MRS2: variants seen among roughly 807,000 people sequenced by gnomAD.
The protein encoded by MRS2 is magnesium transporter MRS2, also known as magnesium transporter MRS2 homolog, mitochondrial.
Under a neutral mutation model 52.6 loss-of-function variants are expected in MRS2, and 40 were observed. The observed-to-expected ratio is 0.76, with a 90% CI of 0.59 to 0.99. The LOEUF (loss-of-function observed/expected upper bound fraction) is 0.99, where lower values mean the gene tolerates loss of function less well. Among genes scored for constraint, MRS2 ranks in the 50% least tolerant of loss-of-function variants. MRS2 has a pLI of 0.00. For missense variants in MRS2, 472 were observed against 532.7 expected (o/e 0.89, Z 1.12); for synonymous variants, 193 against 195.9 (o/e 0.98, Z 0.13).
Position 24,408,488 on chromosome 6 carries a change from GTGAATC to G in MRS2, c.301+48_301+53del, listed in dbSNP as rs562953139. ...AAATCATTTTTTAAACATTTAATGA[GTGAATC>G]TGATAGAAATCAAGAAATTGTAGTA... On this transcript the variant is annotated intron_variant, in intron 3 of 10. Transcript: ENST00000378386. 573 of 1,294,434 alleles carry G rather than the reference GTGAATC, an allele frequency of 4.4e-4. 2 individuals are homozygous for G. Among genetic ancestry groups the G allele is most frequent in the South Asian group, 3.2e-3 (264 of 82,776 alleles). The allele number at this position is 1,294,434 out of a possible 1,614,324, so 80.2% of individuals were successfully genotyped here. A position where few individuals can be genotyped will look rare whatever the true frequency, so the allele number is the denominator to read the frequency against.
At chr6:24,421,536 C>G (rs6941710) in intron 9 of MRS2, among the ~76,000 whole-genome samples, 9,096 of 152,246 alleles carry the variant, frequency 0.06, 617 homozygotes, top group African/African-American at 0.17. Context: ...TGGAAAAGTT[C>G]CAAGAATAGT....
In MRS2 at chr6:24,403,181, G is replaced by C. The variant is rs750193008; in HGVS notation, c.135G>C (p.Leu45=). The C allele has an allele frequency of 1.6e-5, 25 of 1,606,858 alleles. No individual in the cohort carries two copies. The highest frequency in any genetic ancestry group is 2.1e-5 in the Non-Finnish European group (25 of 1,179,778). ...CTGCCTGCGGCCGCCGAGCCAACCT[G>C]ATTGGAAGGAGCCGAGCGGCGCAGC... ...PVAACGRRAN[L]IGRSRAAQLC... is the part of the protein sequence containing the mutation. Residue 45 remains leucine, a synonymous_variant, in exon 1 of 11, where the codon CTG becomes CTC. Coordinates refer to ENST00000378386, the MANE Select transcript of MRS2 (RefSeq NM_020662.4).
At chr6:24,414,679 G>A (rs995383973) in intron 5 of MRS2, among the ~76,000 whole-genome samples, 1 of 152,228 alleles carries the variant, frequency 6.6e-6, no homozygotes, top group Admixed American at 6.5e-5. Flanking sequence ...CTCCCAGACG[G>A]GGTGGCGGCT....
chr6:24,418,346 TATTA>T, intron 8 of MRS2, 110 bp downstream of exon 8: 5 of 1,212,908 alleles, frequency 4.1e-6, no homozygotes, highest in Non-Finnish European at 4.5e-6. Flanking sequence ...TATACTACAT[TATTA>T]TTATTTTTTT....
intron 8 of MRS2, 37 bp downstream of exon 8, chr6:24,418,273 AAAAT>A: frequency 6.7e-7 from 1 of 1,499,132 alleles, no homozygotes; most frequent in South Asian, 1.3e-5. Context: ...TTTTTTTAAT[AAAAT>A]AATTATAAGA....
chr6:24,408,519 A>G (rs1460885272), intron 3 of MRS2, 75 bp downstream of exon 3: 23 of 1,076,730 alleles, frequency 2.1e-5, no homozygotes, highest in Non-Finnish European at 3.0e-5. Flanking sequence ...AAATTGTAGT[A>G]TTTTGAGTAA....
At chr6:24,418,680 C>T in intron 9 of MRS2, 102 bp downstream of exon 9, 1 of 870,290 alleles carries the variant, frequency 1.1e-6, no homozygotes, top group Non-Finnish European at 1.9e-6. Flanking sequence ...AGGTGGATCA[C>T]CTGAGGTCAG....
Position 24,425,430 on chromosome 6 carries a change from T to C in MRS2, c.*1736T>C, listed in dbSNP as rs1376871387. The C allele has an allele frequency of 6.6e-6, 1 of 152,236 alleles. No individual in the cohort carries two copies. Among genetic ancestry groups the C allele is most frequent in the Non-Finnish European group, 1.5e-5 (1 of 68,042 alleles). The allele number at this position is 152,236 out of a possible 1,614,324, so 9.4% of individuals were successfully genotyped here. A position where few individuals can be genotyped will look rare whatever the true frequency, so the allele number is the denominator to read the frequency against. ...AAGGAAAAATAATGTAACTACCTCA[T>C]AAGTCTGATAAAAGGAAGTTGCTAG... On this transcript the variant is annotated 3_prime_UTR_variant, in exon 11 of 11. Coordinates refer to ENST00000378386, the MANE Select transcript of MRS2 (RefSeq NM_020662.4).
At chr6:24,419,964 C>T (rs191933794) in intron 9 of MRS2, among the ~76,000 whole-genome samples, 30 of 152,302 alleles carry the variant, frequency 2.0e-4, no homozygotes, top group Admixed American at 1.2e-3. Context: ...ATTAGTCTAA[C>T]GAGTCTACTC....
chr6:24,420,373 C>T (rs1009732360), intron 9 of MRS2, among the ~76,000 whole-genome samples: 2 of 152,230 alleles, frequency 1.3e-5, no homozygotes, highest in Non-Finnish European at 2.9e-5. Flanking sequence ...ATCCCTTGTT[C>T]AAAGCCTGCA....
In MRS2 at chr6:24,424,054, G is replaced by A. The variant is rs1203922565; in HGVS notation, c.*360G>A. Reference sequence around the variant, plus strand: ...AGCGTAGGAACTTGACAAGCCCATAGGTAGCTATAGTTCTTTGTCAGTATA... The same window carrying A: ...AGCGTAGGAACTTGACAAGCCCATAAGTAGCTATAGTTCTTTGTCAGTATA... On this transcript the variant is annotated 3_prime_UTR_variant, in exon 11 of 11. Transcript: ENST00000378386. 1.3e-5 allele frequency: 2 copies of A among 159,066 alleles called. No homozygotes were observed. Among genetic ancestry groups the A allele is most frequent in the Non-Finnish European group, 1.4e-5 (1 of 72,176 alleles). 9.9% of individuals were successfully genotyped at this position (159,066 alleles called of 1,614,324 possible).
At chr6:24,415,410 A>G (rs976074909) in intron 6 of MRS2, among the ~76,000 whole-genome samples, 6 of 152,198 alleles carry the variant, frequency 3.9e-5, no homozygotes, top group Non-Finnish European at 5.9e-5. Flanking sequence ...CATTTTGAAG[A>G]TGAGAAAATT....
chr6:24,417,767 C>A (rs964060535), intron 7 of MRS2, among the ~76,000 whole-genome samples: 16 of 151,674 alleles, frequency 1.1e-4, no homozygotes, highest in African/African-American at 3.9e-4. Flanking sequence ...TATGGTGAAA[C>A]CCCATCTCTA....
intron 1 of MRS2, 110 bp downstream of exon 1, chr6:24,403,346 C>G (rs1761352449): frequency 9.2e-7 from 1 of 1,086,950 alleles, no homozygotes; most frequent in South Asian, 1.7e-5. Flanking sequence ...CCTCCGCAGG[C>G]CTCGGCCTCC....
At chr6:24,410,765 TCA>T in intron 4 of MRS2, 1 of 1,531,244 alleles carries the variant, frequency 6.5e-7, no homozygotes, top group Non-Finnish European at 8.7e-7. Context: ...CTAGCATTCT[TCA>T]AAACAGTGTC....
chr6:24,422,746 C>T (rs1442384663), intron 9 of MRS2, among the ~76,000 whole-genome samples, 191 bp from the exon 10 acceptor site: 1 of 152,050 alleles, frequency 6.6e-6, no homozygotes, highest in Non-Finnish European at 1.5e-5. Context: ...TATTTAAAAC[C>T]TTTTAAATCA....
chr6:24,415,550 T>C (rs1320347783), intron 6 of MRS2, among the ~76,000 whole-genome samples: 4 of 152,222 alleles, frequency 2.6e-5, no homozygotes, highest in Non-Finnish European at 4.4e-5. Context: ...ATATTATATA[T>C]GTATCATAAA....
chr6:24,422,866 C>T, intron 9 of MRS2, 71 bp from the exon 10 acceptor site: 1 of 1,010,360 alleles, frequency 9.9e-7, no homozygotes, highest in Non-Finnish European at 1.5e-6. Context: ...AACTCTGGGG[C>T]AGTAACAATT....
At position 24,423,564 on chromosome 6, in the gene MRS2, A is replaced by T; in HGVS notation, c.1222-20A>T. 1 of 1,393,332 alleles carries T rather than the reference A, an allele frequency of 7.2e-7. No individual in the cohort carries two copies. Among genetic ancestry groups the T allele is most frequent in the Non-Finnish European group, 1.0e-6 (1 of 994,236 alleles). The allele number at this position is 1,393,332 out of a possible 1,614,324, so 86.3% of individuals were successfully genotyped here. A position where few individuals can be genotyped will look rare whatever the true frequency, so the allele number is the denominator to read the frequency against. On this transcript the variant is annotated intron_variant, in intron 10 of 10. Transcript: ENST00000378386. ...TTCTTTTAAAAAAGATACTAAAATT[A>T]ATACTTCTGCTTTATTTAGATGGCT...
Sources: gnomAD v4.1 joint callset for allele counts (sites outside exome capture counted in the v4.1 genomes callset) on GRCh38, gnomAD v4.1.1 for gene constraint, MANE v1.5 for transcripts, NCBI Gene and HGNC (gene_info 2026-07-23, HGNC 2026-07-21) for gene names.